OPN5: variants seen among roughly 807,000 people sequenced by gnomAD.
OPN5 encodes opsin 5, also known as opsin-5.
Under a neutral mutation model 41.7 loss-of-function variants are expected in OPN5, and 18 were observed. That is an observed-to-expected ratio of 0.43 (90% CI 0.30 to 0.64). The LOEUF (loss-of-function observed/expected upper bound fraction) is 0.64, where lower values mean the gene tolerates loss of function less well. Ranked by LOEUF, OPN5 falls within the 30% of genes least tolerant of loss-of-function variation. The probability of loss-of-function intolerance (pLI) is 0.13; values close to 1 mark genes in which losing one functional copy is unlikely to be tolerated. For synonymous variants in OPN5, 178 were observed against 164.3 expected, an observed-to-expected ratio of 1.08 and a Z score of -0.64; for missense variants, 318 against 434.5, an observed-to-expected ratio of 0.73 and a Z score of 2.38.
chr6:47,809,738 T>A (rs1464816198), intron 5 of OPN5, among the ~76,000 whole-genome samples: 1 of 152,230 alleles, frequency 6.6e-6, no homozygotes, highest in African/African-American at 2.4e-5. Flanking sequence ...CCTTTGCTGT[T>A]GAATTGAACA....
At chr6:47,820,658 A>AT (rs1278349328) in intron 6 of OPN5, among the ~76,000 whole-genome samples, 1 of 152,156 alleles carries the variant, frequency 6.6e-6, no homozygotes, top group East Asian at 1.9e-4. Flanking sequence ...CTGAGGATAA[A>AT]TTCCAATAGA....
At chr6:47,811,604 A>G (rs1774206437) in intron 5 of OPN5, 70 bp from the exon 6 acceptor site, 10 of 927,022 alleles carry the variant, frequency 1.1e-5, no homozygotes, top group Non-Finnish European at 1.8e-5. Flanking sequence ...ATATGTATGT[A>G]TATGTACATA....
chr6:47,783,885 G>C (rs942456739), intron 1 of OPN5, among the ~76,000 whole-genome samples: 3 of 152,166 alleles, frequency 2.0e-5, no homozygotes, highest in African/African-American at 4.8e-5. Context: ...AATTAAAAAA[G>C]TAACATCAAT....
At chr6:47,812,532 G>T (rs1762281976) in intron 6 of OPN5, among the ~76,000 whole-genome samples, 1 of 152,034 alleles carries the variant, frequency 6.6e-6, no homozygotes, top group African/African-American at 2.4e-5. Flanking sequence ...AGGCAGACAG[G>T]TAAAGAGATG....
chr6:47,809,196 G>A (rs1774093726), intron 5 of OPN5, among the ~76,000 whole-genome samples: 1 of 152,108 alleles, frequency 6.6e-6, no homozygotes, highest in South Asian at 2.1e-4. Flanking sequence ...AGTGGAAGAG[G>A]CACCTGAATT....
chr6:47,808,533 G>T, intron 5 of OPN5, 138 bp downstream of exon 5: 4 of 928,062 alleles, frequency 4.3e-6, no homozygotes, highest in Non-Finnish European at 6.5e-6. Context: ...TTTATTTTCT[G>T]TTTATCAAAA....
Position 47,785,112 on chromosome 6 carries a change from A to G in OPN5, c.131-1403A>G, listed in dbSNP as rs375164638. 1.6e-4 allele frequency among the ~76,000 whole-genome samples: 24 copies of G among 152,366 alleles called. No homozygotes were observed. The East Asian group carries it at 3.9e-3, about 24-fold the overall frequency. ...ACAAATATTTTCAAAAGAGATGTAGACAGATGAAAGGTGTTTCAATGAGCC... is the reference window on the plus strand; with the variant it reads ...ACAAATATTTTCAAAAGAGATGTAGGCAGATGAAAGGTGTTTCAATGAGCC... On this transcript the variant is annotated intron_variant, in intron 1 of 6. Transcript: ENST00000371211.
intron 6 of OPN5, among the ~76,000 whole-genome samples, chr6:47,816,133 C>A (rs1358309145): frequency 6.6e-6 from 1 of 152,154 alleles, no homozygotes; most frequent in African/African-American, 2.4e-5. Context: ...TTCACTCATT[C>A]AGCTTTGCAT....
chr6:47,784,165 G>A (rs1026315029), intron 1 of OPN5, among the ~76,000 whole-genome samples: 39 of 152,144 alleles, frequency 2.6e-4, no homozygotes, highest in African/African-American at 8.4e-4. Context: ...CCAATGGTAT[G>A]TTAGAGAACA....
In OPN5 at chr6:47,808,959, T is replaced by C. The variant is rs891719917; in HGVS notation, c.998+564T>C. On this transcript the variant is annotated intron_variant, in intron 5 of 6. Transcript: ENST00000371211. ...CAAGTAAGGTTAAAGTTAAGTAAGC[T>C]GCCCATGTTTAAACAGCCAGAAAGT... Among the ~76,000 whole-genome samples, 4 of 152,340 alleles carry C rather than the reference T, an allele frequency of 2.6e-5. No individual in the cohort carries two copies. In the South Asian group the frequency reaches 8.3e-4, roughly 32 times the overall value.
chr6:47,795,244 GA>G lies in OPN5; in HGVS notation c.440del (p.Lys147SerfsTer23), dbSNP rs1773506155. 1 of 1,597,028 alleles carries G rather than the reference GA, an allele frequency of 6.3e-7. No homozygotes were observed. On this transcript the variant is annotated frameshift_variant, in exon 4 of 7. Coordinates refer to ENST00000371211, the Ensembl canonical transcript of OPN5. LOFTEE classifies it high-confidence loss of function. ...CCGCCTCCAGGGGTTTGGCTGAAAA[GA>G]AAGCACGCCTACATCTGCCTGGCAG...
intron 4 of OPN5, among the ~76,000 whole-genome samples, chr6:47,796,469 A>G (rs1481217106): frequency 6.6e-6 from 1 of 152,204 alleles, no homozygotes; most frequent in Non-Finnish European, 1.5e-5. Context: ...CATGCCATCA[A>G]TATAAATGAC....
chr6:47,794,291 A>T (rs1773475426), intron 3 of OPN5, among the ~76,000 whole-genome samples: 1 of 152,180 alleles, frequency 6.6e-6, no homozygotes. Context: ...ATATATTTTG[A>T]TATTTCTTCT....
chr6:47,793,299 C>T (rs1038843726), intron 3 of OPN5, among the ~76,000 whole-genome samples: 7 of 152,028 alleles, frequency 4.6e-5, no homozygotes, highest in South Asian at 2.1e-4. Context: ...GAGATGATGC[C>T]GCCCACTGCC....
chr6:47,817,201 A>G (rs1424965271), intron 6 of OPN5, among the ~76,000 whole-genome samples: 8 of 152,050 alleles, frequency 5.3e-5, no homozygotes, highest in Non-Finnish European at 1.0e-4. Context: ...GGAGATGAAG[A>G]AGGGGGTCAG....
At chr6:47,812,383 G>A (rs184694059) in intron 6 of OPN5, among the ~76,000 whole-genome samples, 26 of 152,290 alleles carry the variant, frequency 1.7e-4, no homozygotes, top group African/African-American at 4.8e-4. Context: ...TACTAAAACA[G>A]TGGATGTAAC....
intron 3 of OPN5, among the ~76,000 whole-genome samples, chr6:47,793,052 G>T (rs1384446563): frequency 1.4e-5 from 2 of 146,750 alleles, no homozygotes; most frequent in African/African-American, 5.0e-5. Context: ...GAAATAGCTT[G>T]AATCAAAATT....
At chr6:47,819,091 A>T (rs1762516571) in intron 6 of OPN5, among the ~76,000 whole-genome samples, 1 of 151,924 alleles carries the variant, frequency 6.6e-6, no homozygotes, top group Non-Finnish European at 1.5e-5. Flanking sequence ...ATGCTTGCAA[A>T]AGTTCGTACA....
chr6:47,795,778 T>TCTCACACACACACA (rs766899041), intron 4 of OPN5, among the ~76,000 whole-genome samples: 5 of 142,804 alleles, frequency 3.5e-5, no homozygotes, highest in African/African-American at 1.4e-4. Context: ...TCTCTCTCTC[T>TCTCACACACACACA]CACACACACA....
Sources: gnomAD v4.1 joint callset for allele counts (sites outside exome capture counted in the v4.1 genomes callset) on GRCh38, gnomAD v4.1.1 for gene constraint, MANE v1.5 for transcripts, NCBI Gene and HGNC (gene_info 2026-07-23, HGNC 2026-07-21) for gene names.